Variants in NELL1 observed in about 807,000 individuals in gnomAD.
NELL1 encodes protein kinase C-binding protein NELL1.
In NELL1, 76 loss-of-function variants were observed where a neutral mutation model predicts 107.4. That is an observed-to-expected ratio of 0.71 (90% CI 0.59 to 0.86). NELL1 has a LOEUF of 0.86. NELL1 is among the 40% of genes least tolerant of loss of function. NELL1 has a pLI of 0.00. For synonymous variants in NELL1, 353 were observed against 341.2 expected, an observed-to-expected ratio of 1.03 and a Z score of -0.38; for missense variants, 1,024 against 1,005.5, an observed-to-expected ratio of 1.02 and a Z score of -0.25.
chr11:21,292,732 A>G (rs958098206), intron 14 of NELL1, among the ~76,000 whole-genome samples: 1 of 152,206 alleles, frequency 6.6e-6, no homozygotes, highest in Admixed American at 6.5e-5. Flanking sequence ...CAAAACAGAT[A>G]TATAGACCAA....
chr11:21,117,038 T>C (rs7130597), intron 13 of NELL1, among the ~76,000 whole-genome samples: 110,644 of 151,874 alleles, frequency 0.73, 40,726 homozygotes, highest in African/African-American at 0.82. Context: ...GACATGGCCA[T>C]GCTGACCTTT....
chr11:20,913,826 A>C (rs1202049389), intron 5 of NELL1, among the ~76,000 whole-genome samples: 7 of 128,668 alleles, frequency 5.4e-5, no homozygotes, highest in Non-Finnish European at 9.7e-5. Flanking sequence ...GCAAATTAAT[A>C]GTGTAAATAA....
intron 16 of NELL1, among the ~76,000 whole-genome samples, chr11:21,549,113 T>G (rs1258118669): frequency 6.6e-6 from 1 of 151,740 alleles, no homozygotes; most frequent in Non-Finnish European, 1.5e-5. Flanking sequence ...TCCAAGTGAG[T>G]GTTCACTCTT....
intron 11 of NELL1, among the ~76,000 whole-genome samples, chr11:20,957,433 G>A (rs945826998): frequency 2.6e-5 from 4 of 152,282 alleles, no homozygotes; most frequent in Non-Finnish European, 4.4e-5. Context: ...CCTCTCTGAA[G>A]AAATGCAGTT....
intron 15 of NELL1, among the ~76,000 whole-genome samples, chr11:21,517,973 C>G (rs1393935717): frequency 2.6e-5 from 4 of 151,866 alleles, no homozygotes; most frequent in Non-Finnish European, 5.9e-5. Context: ...TGGTGAGCAG[C>G]ATGAGTTCTG....
chr11:21,222,219 G>A lies in NELL1; in HGVS notation c.1427-7113G>A, dbSNP rs559072564. Among the ~76,000 whole-genome samples, 320 of 151,944 alleles carry A rather than the reference G, an allele frequency of 2.1e-3. 1 individual carries two copies. Among genetic ancestry groups the A allele is most frequent in the African/African-American group, 7.5e-3 (312 of 41,452 alleles). On this transcript the variant is annotated intron_variant, in intron 13 of 19. Coordinates refer to ENST00000357134, the MANE Select transcript of NELL1 (RefSeq NM_006157.5). ...TTTTTTGAGAGAGTCTTGCTCTGTC[G>A]CCGAGGCTGGATGGCAGTGGTGCGA...
At chr11:20,802,711 C>T (rs1294572149) in intron 3 of NELL1, among the ~76,000 whole-genome samples, 2 of 152,084 alleles carry the variant, frequency 1.3e-5, no homozygotes, top group African/African-American at 4.8e-5. Context: ...GTCTTTCATA[C>T]ATGGCTTTTA....
chr11:20,690,722 C>T (rs376844873), intron 2 of NELL1, among the ~76,000 whole-genome samples: 41 of 151,554 alleles, frequency 2.7e-4, no homozygotes, highest in Non-Finnish European at 4.9e-4. Context: ...AGCATGATGC[C>T]TCCAGCTTTG....
Position 20,847,700 on chromosome 11 carries a change from G to A in NELL1, c.453G>A (p.Lys151=), listed in dbSNP as rs1227108868. 33 of 1,613,494 alleles carry A rather than the reference G, an allele frequency of 2.0e-5. No individual in the cohort carries two copies. The Admixed American group carries it at 5.0e-4, about 24-fold the overall frequency. ...GCATGGCAGATGGACAATGGCACAA[G>A]GTTGCACTGTCAGTTAGCGCCTCTC... ...PYRMADGQWH[K]VALSVSASHL... Residue 151 remains lysine (K), a synonymous_variant, in exon 4 of 20, where the codon AAG becomes AAA. Coordinates refer to ENST00000357134, the MANE Select transcript of NELL1 (RefSeq NM_006157.5).
At chr11:20,783,038 G>A (rs1590289452) in intron 2 of NELL1, among the ~76,000 whole-genome samples, 1 of 152,318 alleles carries the variant, frequency 6.6e-6, no homozygotes, top group East Asian at 1.9e-4. Flanking sequence ...TGCTTATGGA[G>A]AAATTCCAGG....
intron 15 of NELL1, among the ~76,000 whole-genome samples, chr11:21,456,556 TG>T (rs1015781420): frequency 6.6e-6 from 1 of 152,154 alleles, no homozygotes; most frequent in Non-Finnish European, 1.5e-5. Flanking sequence ...TTGGATGGAA[TG>T]GAAATATTTC....
intron 12 of NELL1, among the ~76,000 whole-genome samples, chr11:21,010,733 TTGA>T (rs1423198765): frequency 1.1e-4 from 17 of 152,100 alleles, no homozygotes; most frequent in African/African-American, 4.1e-4. Context: ...GCCGTAAAGC[TTGA>T]CTAGGAACAT....
chr11:20,764,495 G>A (rs548078358), intron 2 of NELL1, among the ~76,000 whole-genome samples: 1 of 152,182 alleles, frequency 6.6e-6, no homozygotes, highest in Admixed American at 6.5e-5. Context: ...CTGGAGCCAG[G>A]ATAGTCACCA....
At chr11:21,349,980 T>C (rs1850767933) in intron 14 of NELL1, among the ~76,000 whole-genome samples, 1 of 152,138 alleles carries the variant, frequency 6.6e-6, no homozygotes, top group African/African-American at 2.4e-5. Context: ...ACTTAGACCT[T>C]TTACTTGCTG....
At chr11:20,897,155 T>A (rs1256156197) in intron 5 of NELL1, among the ~76,000 whole-genome samples, 3 of 152,274 alleles carry the variant, frequency 2.0e-5, no homozygotes, top group Admixed American at 2.0e-4. Context: ...CTACCTGACT[T>A]CAAACTATAC....
chr11:20,709,173 G>C (rs918803605), intron 2 of NELL1, among the ~76,000 whole-genome samples: 33 of 151,984 alleles, frequency 2.2e-4, no homozygotes, highest in Admixed American at 2.0e-3. Context: ...TATGGTTTCC[G>C]GTCTTAGATT....
chr11:21,565,619 T>C (rs538740084), intron 17 of NELL1, among the ~76,000 whole-genome samples: 1 of 152,024 alleles, frequency 6.6e-6, no homozygotes, highest in African/African-American at 2.4e-5. Context: ...TGATATCACT[T>C]TATCTAAAAT....
At chr11:20,981,521 A>C (rs1366239139) in intron 12 of NELL1, among the ~76,000 whole-genome samples, 1 of 152,196 alleles carries the variant, frequency 6.6e-6, no homozygotes, top group Middle Eastern at 3.2e-3. Context: ...AACTATGATT[A>C]TTAACAGTGC....
At chr11:20,856,845 T>C (rs190919424) in intron 4 of NELL1, among the ~76,000 whole-genome samples, 9 of 152,366 alleles carry the variant, frequency 5.9e-5, no homozygotes, top group Admixed American at 5.9e-4. Context: ...AGATGATTGA[T>C]ACATTCACTT....
Sources: allele counts gnomAD v4.1 joint callset (sites outside exome capture counted in the v4.1 genomes callset), GRCh38; gene constraint gnomAD v4.1.1; transcripts MANE v1.5; gene names NCBI Gene and HGNC (gene_info 2026-07-23, HGNC 2026-07-21).